Variants in SBF2 observed in about 807,000 individuals in gnomAD.
SBF2 encodes SET binding factor 2.
SBF2 carries 112 observed loss-of-function variants against 225.2 expected under a neutral mutation model. The ratio of observed to expected loss-of-function variants is 0.50; its 90% CI spans 0.43 to 0.58. The LOEUF is 0.58. SBF2 is among the 20% of genes least tolerant of loss of function. The probability of loss-of-function intolerance (pLI) is 0.00; values close to 1 mark genes in which losing one functional copy is unlikely to be tolerated. For synonymous variants in SBF2, 763 were observed against 773.3 expected (o/e 0.99, Z 0.22); for missense variants, 1,996 against 2,206.2 (o/e 0.90, Z 1.91).
chr11:9,901,751 C>T (rs907021165), intron 16 of SBF2, among the ~76,000 whole-genome samples: 2 of 152,002 alleles, frequency 1.3e-5, no homozygotes, highest in African/African-American at 4.8e-5. Context: ...CTCAGGTGAT[C>T]CTCCCACCTC....
rs570614445 is a variant in SBF2, at chr11:9,788,514, A to G, written c.4932+595T>C. Among the ~76,000 whole-genome samples, 500 of 152,284 alleles carry G rather than the reference A, an allele frequency of 3.3e-3. 3 individuals are homozygous for G. Among genetic ancestry groups the G allele is most frequent in the South Asian group, 4.8e-3 (23 of 4,816 alleles). ...CTGACTAAGGCTGCTCGGGCAACTA[A>G]AACAGCTGGGAAGCTGCTGGAAGGA... On this transcript the variant is annotated intron_variant, in intron 35 of 39. Coordinates refer to ENST00000256190, the MANE Select transcript of SBF2 (RefSeq NM_030962.4).
At chr11:10,150,112 C>T (rs111450010) in intron 2 of SBF2, among the ~76,000 whole-genome samples, 251 of 152,162 alleles carry the variant, frequency 1.6e-3, no homozygotes, top group African/African-American at 5.9e-3. Context: ...ATATCTGTAT[C>T]CTTGAACAAA....
chr11:10,176,518 G>A (rs1196099156), intron 2 of SBF2, among the ~76,000 whole-genome samples: 75 of 150,994 alleles, frequency 5.0e-4, no homozygotes, highest in African/African-American at 1.7e-3. Context: ...TATCACCACC[G>A]ATCCCACAGA....
chr11:9,846,103 G>A (rs1856528319), intron 23 of SBF2, among the ~76,000 whole-genome samples: 1 of 152,120 alleles, frequency 6.6e-6, no homozygotes, highest in Non-Finnish European at 1.5e-5. Flanking sequence ...AACAAATGTA[G>A]GAAGAAAAGA....
chr11:10,047,596 T>A (rs1364134438), intron 2 of SBF2, among the ~76,000 whole-genome samples: 1 of 152,130 alleles, frequency 6.6e-6, no homozygotes, highest in African/African-American at 2.4e-5. Flanking sequence ...TCTATCCCCA[T>A]CTCTTTGACA....
intron 25 of SBF2, among the ~76,000 whole-genome samples, chr11:9,841,481 T>C (rs1025266337): frequency 2.0e-5 from 3 of 152,110 alleles, no homozygotes; most frequent in Admixed American, 1.3e-4. Context: ...CAAGCTTGTA[T>C]GTACATGTTC....
At chr11:10,053,644 A>G (rs1248446984) in intron 2 of SBF2, among the ~76,000 whole-genome samples, 2 of 152,094 alleles carry the variant, frequency 1.3e-5, no homozygotes, top group Non-Finnish European at 2.9e-5. Context: ...AATCCCAGCA[A>G]TTTGGGAGGC....
chr11:10,296,506 A>G (rs946766921), upstream of SBF2, among the ~76,000 whole-genome samples: 2 of 152,092 alleles, frequency 1.3e-5, no homozygotes, highest in South Asian at 2.1e-4. Flanking sequence ...CCATGATTCA[A>G]TTACCTTCCA....
At position 9,854,417 on chromosome 11, in the gene SBF2, G is replaced by GA. The variant is rs569229712; in HGVS notation, c.2364-706dup. On this transcript the variant is annotated intron_variant, in intron 19 of 39. Coordinates refer to ENST00000256190, the MANE Select transcript of SBF2 (RefSeq NM_030962.4). ...TACTGTTCAACCCATCAGACTCTGGGAAAAGACTCATTTGTCTGTTCCTAT... is the reference window on the plus strand; with the variant it reads ...TACTGTTCAACCCATCAGACTCTGGGAAAAAGACTCATTTGTCTGTTCCTAT... Among the ~76,000 whole-genome samples the GA allele has an allele frequency of 2.5e-3, 377 of 152,208 alleles. 2 individuals carry two copies. Among genetic ancestry groups the GA allele is most frequent in the African/African-American group, 8.7e-3 (361 of 41,516 alleles).
intron 16 of SBF2, among the ~76,000 whole-genome samples, chr11:9,922,578 T>C (rs1409979857): frequency 6.6e-6 from 1 of 152,182 alleles, no homozygotes; most frequent in Non-Finnish European, 1.5e-5. Context: ...CAAAACTTTT[T>C]TTTATTTCAC....
chr11:9,792,929 G>T (rs1323290616), intron 33 of SBF2, among the ~76,000 whole-genome samples: 1 of 135,878 alleles, frequency 7.4e-6, no homozygotes, highest in Non-Finnish European at 1.6e-5. Context: ...ATTTGTGTGT[G>T]TGTGTGTGTG....
chr11:9,950,620 C>T (rs1400598902), intron 16 of SBF2, among the ~76,000 whole-genome samples: 1 of 152,160 alleles, frequency 6.6e-6, no homozygotes, highest in Admixed American at 6.5e-5. Flanking sequence ...TATTGACCAG[C>T]TGTATGTAAA....
intron 15 of SBF2, among the ~76,000 whole-genome samples, chr11:9,963,166 T>C (rs768298021): frequency 6.6e-4 from 100 of 152,188 alleles, no homozygotes; most frequent in Non-Finnish European, 1.1e-3. Flanking sequence ...TAAAATTATA[T>C]TAAAATGTTA....
At chr11:10,112,652 A>C (rs560558532) in intron 2 of SBF2, among the ~76,000 whole-genome samples, 1 of 152,328 alleles carries the variant, frequency 6.6e-6, no homozygotes, top group Non-Finnish European at 1.5e-5. Context: ...GGGAAAATAA[A>C]ATTTGTAAGG....
intron 2 of SBF2, among the ~76,000 whole-genome samples, chr11:10,146,161 T>C (rs573256692): frequency 6.6e-6 from 1 of 152,286 alleles, no homozygotes; most frequent in African/African-American, 2.4e-5. Context: ...AAGAAATTTA[T>C]AGATTTAATG....
chr11:10,008,452 C>G (rs1225377834), intron 6 of SBF2, among the ~76,000 whole-genome samples: 1 of 152,214 alleles, frequency 6.6e-6, no homozygotes, highest in Non-Finnish European at 1.5e-5. Context: ...TTGCCTTGGT[C>G]TTTTACATCA....
At chr11:9,933,775 C>T (rs1864677253) in intron 16 of SBF2, among the ~76,000 whole-genome samples, 1 of 152,104 alleles carries the variant, frequency 6.6e-6, no homozygotes, top group Non-Finnish European at 1.5e-5. Context: ...CAAACAAATT[C>T]AAAAGCTAGC....
intron 2 of SBF2, among the ~76,000 whole-genome samples, chr11:10,108,435 G>A (rs2134999227): frequency 6.6e-6 from 1 of 152,060 alleles, no homozygotes; most frequent in Middle Eastern, 3.4e-3. Context: ...ATAGATCCAG[G>A]GCAGTTTGGG....
chr11:9,812,963 C>T lies in SBF2; in HGVS notation c.3979-255G>A, dbSNP rs77949999. On this transcript the variant is annotated intron_variant, in intron 29 of 39. Transcript: ENST00000256190. ...AGGTAGATTACTTAGCCTAAGAATG[C>T]GTTCATTCTGAGAACTGGAAGAGCC... Among the ~76,000 whole-genome samples the T allele has an allele frequency of 7.5e-3, 1,140 of 152,292 alleles. 9 individuals carry two copies. Among genetic ancestry groups the T allele is most frequent in the Middle Eastern group, 0.027 (8 of 294 alleles).
Sources: allele counts gnomAD v4.1 joint callset (sites outside exome capture counted in the v4.1 genomes callset), GRCh38; gene constraint gnomAD v4.1.1; transcripts MANE v1.5; gene names NCBI Gene and HGNC (gene_info 2026-07-23, HGNC 2026-07-21).